The following ABCD3 variants were observed in gnomAD, a reference collection of about 807,000 sequenced individuals.
ABCD3 encodes ATP binding cassette subfamily D member 3.
In ABCD3, 41 loss-of-function variants were observed where a neutral mutation model predicts 105.5. The observed-to-expected ratio is 0.39, with a 90% CI of 0.30 to 0.50. The LOEUF (loss-of-function observed/expected upper bound fraction) is 0.50. Among genes scored for constraint, ABCD3 ranks in the 20% least tolerant of loss-of-function variants. The probability of loss-of-function intolerance (pLI) is 0.84; values close to 1 mark genes in which losing one functional copy is unlikely to be tolerated. For synonymous variants in ABCD3, 258 were observed against 269.0 expected (o/e 0.96, Z 0.40); for missense variants, 622 against 806.3 (o/e 0.77, Z 2.77).
At chr1:94,426,848 ATTTT>A (rs67942477) in intron 1 of ABCD3, among the ~76,000 whole-genome samples, 40 of 131,564 alleles carry the variant, frequency 3.0e-4, no homozygotes, top group South Asian at 1.3e-3. Context: ...CCCAGCCTGA[ATTTT>A]TTTTTTTTTT....
chr1:94,410,768 C>T, the ABCD3 span, among the ~76,000 whole-genome samples: 2 of 152,158 alleles, frequency 1.3e-5, no homozygotes, highest in South Asian at 2.1e-4. Context: ...ATAAATGGAA[C>T]GGACTCCATA....
chr1:94,414,417 G>A (rs1658963027), upstream of ABCD3, among the ~76,000 whole-genome samples: 1 of 152,010 alleles, frequency 6.6e-6, no homozygotes, highest in Non-Finnish European at 1.5e-5. Context: ...TATTTGATCT[G>A]TGCTGCCCTG....
chr1:94,471,838 T>C (rs556165584), intron 4 of ABCD3, among the ~76,000 whole-genome samples: 5 of 152,300 alleles, frequency 3.3e-5, no homozygotes, highest in Admixed American at 2.6e-4. Flanking sequence ...AAGAGACTTA[T>C]TATGGTCCTT....
chr1:94,515,153 T>A lies in ABCD3; in HGVS notation c.1853T>A (p.Ile618Asn). 1 of 1,609,518 alleles carries A rather than the reference T, an allele frequency of 6.2e-7. No homozygotes were observed. Among genetic ancestry groups the A allele is most frequent in the Non-Finnish European group, 8.5e-7 (1 of 1,176,692 alleles). The change falls in exon 22 of 23, where the codon ATC (isoleucine) becomes AAC (asparagine). Residue 618 changes from isoleucine (I) to asparagine (N), a missense_variant. By Grantham distance (149) the Ile-to-Asn change is moderately radical (BLOSUM62 -3). Transcript: ENST00000370214. ...TCATTTTCTTTGTATTAGGTTGGCA[T>A]CACTCTCTTCACTGTGTCTCATAGG... The part of the protein sequence containing the change: ...YIYSHCRKVG[I>N]TLFTVSHRKS...
chr1:94,443,285 G>A (rs1423589189), intron 1 of ABCD3, among the ~76,000 whole-genome samples: 1 of 152,036 alleles, frequency 6.6e-6, no homozygotes, highest in African/African-American at 2.4e-5. Context: ...GTCTGTTCAT[G>A]TTGTTTGCCC....
At chr1:94,390,349 C>A in the ABCD3 span, among the ~76,000 whole-genome samples, 1 of 152,056 alleles carries the variant, frequency 6.6e-6, no homozygotes, top group Non-Finnish European at 1.5e-5. Flanking sequence ...GTCACCCAGG[C>A]TGGAGTATAG....
intron 1 of ABCD3, among the ~76,000 whole-genome samples, chr1:94,457,315 A>T (rs572102971): frequency 1.3e-5 from 2 of 152,352 alleles, no homozygotes; most frequent in African/African-American, 4.8e-5. Flanking sequence ...GAAATTAGAA[A>T]TAATAATAAT....
At chr1:94,387,730 T>G in the ABCD3 span, among the ~76,000 whole-genome samples, 1 of 152,226 alleles carries the variant, frequency 6.6e-6, no homozygotes, top group African/African-American at 2.4e-5. Flanking sequence ...ACATTGTCAG[T>G]GTTATGCGAT....
intron 4 of ABCD3, among the ~76,000 whole-genome samples, chr1:94,470,872 T>C (rs1327491408): frequency 6.6e-6 from 1 of 152,238 alleles, no homozygotes; most frequent in Non-Finnish European, 1.5e-5. Flanking sequence ...TTCATTTTTA[T>C]AGCAATCATT....
chr1:94,425,350 T>A (rs1248440766), intron 1 of ABCD3, among the ~76,000 whole-genome samples: 1 of 152,226 alleles, frequency 6.6e-6, no homozygotes, highest in Non-Finnish European at 1.5e-5. Context: ...TTTCCTATAT[T>A]TCCCTGTACA....
At chr1:94,465,518 T>A (rs1161724089) in intron 3 of ABCD3, among the ~76,000 whole-genome samples, 3 of 152,200 alleles carry the variant, frequency 2.0e-5, no homozygotes, top group Non-Finnish European at 2.9e-5. Flanking sequence ...AATGCTAGGG[T>A]ACTGCCATAC....
chr1:94,456,084 C>T (rs1196723928), intron 1 of ABCD3, among the ~76,000 whole-genome samples: 1 of 151,596 alleles, frequency 6.6e-6, no homozygotes, highest in African/African-American at 2.4e-5. Flanking sequence ...TTCCCCATTT[C>T]CCCCAACCCC....
intron 21 of ABCD3, among the ~76,000 whole-genome samples, chr1:94,508,618 C>T (rs1201738584): frequency 6.7e-6 from 1 of 149,542 alleles, no homozygotes; most frequent in Non-Finnish European, 1.5e-5. Context: ...TTCTTCCTAC[C>T]CATGAGCATG....
the ABCD3 span, among the ~76,000 whole-genome samples, chr1:94,389,135 A>G: frequency 6.6e-6 from 1 of 152,240 alleles, no homozygotes; most frequent in African/African-American, 2.4e-5. Flanking sequence ...TATAGAATGT[A>G]GTAGGCCCAG....
chr1:94,485,613 C>T (rs1241036080), intron 10 of ABCD3, among the ~76,000 whole-genome samples: 2 of 152,096 alleles, frequency 1.3e-5, no homozygotes, highest in Non-Finnish European at 1.5e-5. Flanking sequence ...GAAGCTTTGT[C>T]TTCTCTGATC....
chr1:94,473,919 T>C (rs1570791699), intron 5 of ABCD3, 84 bp downstream of exon 5: 1 of 1,065,866 alleles, frequency 9.4e-7, no homozygotes, highest in East Asian at 2.6e-5. Context: ...TATTAAATTC[T>C]TTAAAGACTT....
At chr1:94,418,797 C>G in intron 1 of ABCD3, 1 of 586,562 alleles carries the variant, frequency 1.7e-6, no homozygotes, top group South Asian at 2.1e-5. Context: ...CCGGCGACCT[C>G]GCTCCACCCC....
intron 20 of ABCD3, among the ~76,000 whole-genome samples, chr1:94,504,259 A>G (rs1057230659): frequency 2.6e-5 from 4 of 152,050 alleles, no homozygotes; most frequent in African/African-American, 9.7e-5. Context: ...CTGGGACTAC[A>G]GGTATGCACC....
chr1:94,434,170 T>A (rs571797999), intron 1 of ABCD3, among the ~76,000 whole-genome samples: 25 of 152,116 alleles, frequency 1.6e-4, no homozygotes, highest in Admixed American at 3.9e-4. Context: ...CTACATGAAA[T>A]TTATTTAAAA....
Sources: gnomAD v4.1 joint callset for allele counts (sites outside exome capture counted in the v4.1 genomes callset) on GRCh38, gnomAD v4.1.1 for gene constraint, MANE v1.5 for transcripts, NCBI Gene and HGNC (gene_info 2026-07-23, HGNC 2026-07-21) for gene names.